The following WDR43 variants were observed in gnomAD, a reference collection of about 807,000 sequenced individuals.
The protein encoded by WDR43 is WD repeat-containing protein 43.
Under a neutral mutation model 91.4 loss-of-function variants are expected in WDR43, and 13 were observed. That is an observed-to-expected ratio of 0.14 (90% CI 0.09 to 0.23). The LOEUF is 0.23. WDR43 is among the 10% of genes least tolerant of loss of function. The pLI is 1.00. For synonymous variants in WDR43, 331 were observed against 287.9 expected (o/e 1.15, Z -1.51); for missense variants, 780 against 809.4 (o/e 0.96, Z 0.44).
At chr2:28,910,272 C>G (rs1670765615) in intron 3 of WDR43, among the ~76,000 whole-genome samples, 1 of 152,148 alleles carries the variant, frequency 6.6e-6, no homozygotes, top group Non-Finnish European at 1.5e-5. Flanking sequence ...GCTTATCAGC[C>G]TCGTCTAGGC....
At chr2:28,943,517 AG>A (rs1671487168) in intron 16 of WDR43, among the ~76,000 whole-genome samples, 1 of 152,220 alleles carries the variant, frequency 6.6e-6, no homozygotes, top group Non-Finnish European at 1.5e-5. Context: ...AATGTCAAAA[AG>A]GGAACATTTT....
chr2:28,901,894 C>G lies in WDR43; in HGVS notation c.226-93C>G, dbSNP rs528009848. The G allele has an allele frequency of 5.6e-5, 71 of 1,263,452 alleles. No homozygotes were observed. The African/African-American group carries it at 8.8e-4, about 16-fold the overall frequency. 78.3% of individuals were successfully genotyped at this position (1,263,452 alleles called of 1,614,324 possible). A position where few individuals can be genotyped will look rare whatever the true frequency, so the allele number is the denominator to read the frequency against. ...TCTCTCTTCCCCCCTTTTAAAATGT[C>G]TTTTGTGGGCTGGTGGGCATTTGTA... On this transcript the variant is annotated intron_variant, in intron 1 of 17. Coordinates refer to ENST00000407426, the MANE Select transcript of WDR43 (RefSeq NM_015131.3).
intron 1 of WDR43, among the ~76,000 whole-genome samples, chr2:28,898,480 A>G (rs1176881548): frequency 1.3e-5 from 2 of 152,210 alleles, no homozygotes; most frequent in African/African-American, 2.4e-5. Context: ...TAAATACTGT[A>G]TGTGATTTTT....
chr2:28,913,245 C>T (rs900695972), intron 4 of WDR43, among the ~76,000 whole-genome samples: 5 of 152,098 alleles, frequency 3.3e-5, no homozygotes, highest in African/African-American at 4.8e-5. Context: ...TGAGCCACCG[C>T]GCCCAGCCGA....
chr2:28,918,005 T>C lies in WDR43; in HGVS notation c.849+10T>C, dbSNP rs759463981. 2 of 1,554,056 alleles carry C rather than the reference T, an allele frequency of 1.3e-6. No individual in the cohort carries two copies. The highest frequency in any genetic ancestry group is 1.7e-6 in the Non-Finnish European group (2 of 1,149,668). On this transcript the variant is annotated intron_variant, in intron 6 of 17. Coordinates refer to ENST00000407426, the MANE Select transcript of WDR43 (RefSeq NM_015131.3). ...AGAAAACAAAGAAGAGGTAAATGGC[T>C]CGATTTTTGAGAATTTGTTTTTGGG...
chr2:28,945,691 T>C lies in WDR43; in HGVS notation c.1805-759T>C, dbSNP rs367984820. Among the ~76,000 whole-genome samples the C allele has an allele frequency of 4.0e-4, 61 of 152,354 alleles. No individual in the cohort carries two copies. The South Asian group carries it at 0.011, about 28-fold the overall frequency. On this transcript the variant is annotated intron_variant, in intron 16 of 17. Coordinates refer to ENST00000407426, the MANE Select transcript of WDR43 (RefSeq NM_015131.3). ...ACTAAGAACCACATTGTGCCTGTTA[T>C]CAGTTTTTTCCTCTCCATTGTGAGA... is the stretch of plus-strand genomic sequence containing the variant.
At chr2:28,916,594 C>A (rs1670913990) in intron 5 of WDR43, among the ~76,000 whole-genome samples, 1 of 151,900 alleles carries the variant, frequency 6.6e-6, no homozygotes, top group South Asian at 2.1e-4. Context: ...TTTGCATATA[C>A]CTCTCCCCCT....
intron 5 of WDR43, among the ~76,000 whole-genome samples, chr2:28,914,998 G>A (rs987883147): frequency 6.6e-6 from 1 of 151,850 alleles, no homozygotes; most frequent in African/African-American, 2.4e-5. Flanking sequence ...TTTTATTGCA[G>A]CATCTGATGG....
In WDR43 at chr2:28,947,253, A is replaced by G. The variant is rs567789164; in HGVS notation, c.*474A>G. The G allele has an allele frequency of 6.6e-6, 1 of 152,384 alleles. No individual in the cohort carries two copies. Among genetic ancestry groups the G allele is most frequent in the African/African-American group, 2.4e-5 (1 of 41,564 alleles). 9.4% of individuals were successfully genotyped at this position (152,384 alleles called of 1,614,324 possible). A position where few individuals can be genotyped will look rare whatever the true frequency, so the allele number is the denominator to read the frequency against. ...TTAATTTGGTACATTTTCATAAAAT[A>G]TGAAGGGATAACTACAAACTGGAGT... On this transcript the variant is annotated 3_prime_UTR_variant, in exon 18 of 18. Coordinates refer to ENST00000407426, the MANE Select transcript of WDR43 (RefSeq NM_015131.3).
intron 14 of WDR43, among the ~76,000 whole-genome samples, chr2:28,939,165 A>G (rs7423135): frequency 0.12 from 8,107 of 68,586 alleles, 952 homozygotes; most frequent in Non-Finnish European, 0.18. Flanking sequence ...TGGTGAGAGG[A>G]GTTTTGGGAG....
intron 11 of WDR43, among the ~76,000 whole-genome samples, 158 bp from the exon 12 acceptor site, chr2:28,935,359 CCATT>C (rs1671319154): frequency 6.6e-6 from 1 of 152,138 alleles, no homozygotes; most frequent in Non-Finnish European, 1.5e-5. Flanking sequence ...ATAACATACT[CCATT>C]CAGTCCCTCC....
rs1572602707 is a variant in WDR43 at position 28,937,837 on chromosome 2, T to C, written c.1557-94T>C. The C allele has an allele frequency of 1.1e-5, 13 of 1,159,914 alleles. No homozygotes were observed. The East Asian group carries it at 3.2e-4, about 29-fold the overall frequency. 71.9% of individuals were successfully genotyped at this position (1,159,914 alleles called of 1,614,324 possible). On this transcript the variant is annotated intron_variant, in intron 13 of 17. Coordinates refer to ENST00000407426, the MANE Select transcript of WDR43 (RefSeq NM_015131.3). ...AGTCATTTTCACAGAGCAACATTTA[T>C]AGACCTTCACTTGTCTGTCTGGGTT...
chr2:28,943,892 C>T (rs1172620486), intron 16 of WDR43, among the ~76,000 whole-genome samples: 2 of 152,120 alleles, frequency 1.3e-5, no homozygotes, highest in African/African-American at 4.8e-5. Context: ...AGTACATGTG[C>T]ATTCTTTTTA....
At chr2:28,937,049 T>C in intron 13 of WDR43, 96 bp downstream of exon 13, 1 of 1,211,140 alleles carries the variant, frequency 8.3e-7, no homozygotes, top group East Asian at 2.6e-5. Context: ...ACTCTTTCAG[T>C]GTCAAATATT....
intron 2 of WDR43, among the ~76,000 whole-genome samples, chr2:28,903,896 C>T (rs1670624629): frequency 6.6e-6 from 1 of 152,164 alleles, no homozygotes; most frequent in Admixed American, 6.5e-5. Context: ...CCTCTGCCTC[C>T]TGGGTTCAAG....
At chr2:28,935,111 C>A (rs552374594) in intron 11 of WDR43, among the ~76,000 whole-genome samples, 1 of 152,202 alleles carries the variant, frequency 6.6e-6, no homozygotes, top group African/African-American at 2.4e-5. Flanking sequence ...AATTTTGACA[C>A]CTACTTTAAA....
At chr2:28,935,321 T>G (rs1572601310) in intron 11 of WDR43, among the ~76,000 whole-genome samples, 200 bp from the exon 12 acceptor site, 1 of 152,122 alleles carries the variant, frequency 6.6e-6, no homozygotes, top group East Asian at 1.9e-4. Context: ...CCAAAGACTG[T>G]GCTTGTCTGT....
At chr2:28,927,800 A>G in intron 10 of WDR43, 100 bp downstream of exon 10, 1 of 1,467,858 alleles carries the variant, frequency 6.8e-7, no homozygotes, top group East Asian at 2.3e-5. Context: ...AATCTTTAGA[A>G]ATTTACTGAG....
At chr2:28,921,722 T>C (rs1671029600) in intron 6 of WDR43, among the ~76,000 whole-genome samples, 1 of 152,124 alleles carries the variant, frequency 6.6e-6, no homozygotes, top group East Asian at 1.9e-4. Flanking sequence ...TTTTTCTTTT[T>C]CTTTTTTGAG....
Sources: gnomAD v4.1 joint callset for allele counts (sites outside exome capture counted in the v4.1 genomes callset) on GRCh38, gnomAD v4.1.1 for gene constraint, MANE v1.5 for transcripts, NCBI Gene and HGNC (gene_info 2026-07-23, HGNC 2026-07-21) for gene names.